SRBD1: variants seen among roughly 807,000 people sequenced by gnomAD.
SRBD1 encodes the protein S1 RNA-binding domain-containing protein 1.
SRBD1 carries 88 observed loss-of-function variants against 115.3 expected under a neutral mutation model. The observed-to-expected ratio is 0.76, with a 90% confidence interval of 0.64 to 0.91. The LOEUF is 0.91. SRBD1 is among the 40% of genes least tolerant of loss of function. SRBD1 has a pLI of 0.00. For missense variants in SRBD1, 1,385 were observed against 1,177.4 expected, an observed-to-expected ratio of 1.18 and a Z score of -2.58; for synonymous variants, 509 against 407.7, an observed-to-expected ratio of 1.25 and a Z score of -2.99.
intron 15 of SRBD1, among the ~76,000 whole-genome samples, chr2:45,477,566 T>G (rs1297158906): frequency 6.6e-6 from 1 of 152,190 alleles, no homozygotes; most frequent in African/African-American, 2.4e-5. Flanking sequence ...TCCTTTTTTT[T>G]AGAGATAGGG....
intron 16 of SRBD1, among the ~76,000 whole-genome samples, chr2:45,460,830 C>T (rs1260157343): frequency 2.0e-5 from 3 of 152,130 alleles, no homozygotes; most frequent in Admixed American, 2.0e-4. Flanking sequence ...CCAACCAATG[C>T]CATTAAAACG....
chr2:45,549,630 A>T (rs1672231576), intron 12 of SRBD1, among the ~76,000 whole-genome samples: 1 of 143,364 alleles, frequency 7.0e-6, no homozygotes, highest in African/African-American at 2.6e-5. Flanking sequence ...GCAGGCACAT[A>T]GCTTGAGCTC....
At chr2:45,518,662 T>A (rs1572725853) in intron 14 of SRBD1, among the ~76,000 whole-genome samples, 2 of 152,208 alleles carry the variant, frequency 1.3e-5, no homozygotes, top group Non-Finnish European at 2.9e-5. Context: ...CAAGGAAACA[T>A]CTTTTTTATG....
At chr2:45,556,212 T>C (rs990967891) in intron 10 of SRBD1, among the ~76,000 whole-genome samples, 5 of 152,146 alleles carry the variant, frequency 3.3e-5, no homozygotes, top group Admixed American at 1.3e-4. Flanking sequence ...AACATTTGCC[T>C]GAAGGAATTA....
intron 4 of SRBD1, among the ~76,000 whole-genome samples, chr2:45,593,439 T>C (rs138952721): frequency 6.6e-6 from 1 of 152,122 alleles, no homozygotes; most frequent in Non-Finnish European, 1.5e-5. Context: ...CCTATGCTGG[T>C]CTCAGGATAA....
chr2:45,404,321 G>A (rs1036067013), intron 19 of SRBD1, among the ~76,000 whole-genome samples: 5 of 152,132 alleles, frequency 3.3e-5, no homozygotes, highest in African/African-American at 1.2e-4. Context: ...TTTGGACTAA[G>A]AATATAAATT....
At chr2:45,422,381 C>A (rs1421201802) in intron 16 of SRBD1, among the ~76,000 whole-genome samples, 1 of 152,182 alleles carries the variant, frequency 6.6e-6, no homozygotes, top group Non-Finnish European at 1.5e-5. Flanking sequence ...CTGGTCCCAC[C>A]TCCCACAGAC....
At chr2:45,551,355 T>C in intron 11 of SRBD1, 73 bp from the exon 12 acceptor site, 1 of 1,379,032 alleles carries the variant, frequency 7.3e-7, no homozygotes, top group African/African-American at 1.5e-5. Flanking sequence ...GCAGAATTCA[T>C]TTTGTACAAT....
rs969879578 is a variant in SRBD1 at position 45,562,671 on chromosome 2, C to A, written c.1391G>T (p.Arg464Met). 3.1e-6 allele frequency: 5 copies of A among 1,607,560 alleles called. No homozygotes were observed. Among genetic ancestry groups the A allele is most frequent in the Non-Finnish European group, 3.4e-6 (4 of 1,178,326 alleles). Residue 464 changes from arginine (R) to methionine (M), a missense_variant, in exon 10 of 21, where the codon AGG (arginine) becomes ATG (methionine). Transcript: ENST00000263736. Reference protein sequence around the residue: ...ISDGVKDEFCRWCIQNRWRPR... With the variant: ...ISDGVKDEFCMWCIQNRWRPR... Reference sequence around the variant, plus strand: ...AACAGACCTGTTTTGGATGCACCACCTACAGAATTCATCCTTCACTCCATC... The same window carrying A: ...AACAGACCTGTTTTGGATGCACCACATACAGAATTCATCCTTCACTCCATC...
chr2:45,602,366 G>C (rs945757882), intron 2 of SRBD1, among the ~76,000 whole-genome samples: 3 of 152,138 alleles, frequency 2.0e-5, no homozygotes, highest in African/African-American at 7.2e-5. Context: ...TCAAGACATA[G>C]AAAATCATTT....
intron 16 of SRBD1, among the ~76,000 whole-genome samples, chr2:45,446,363 G>C (rs569039255): frequency 5.3e-4 from 81 of 152,236 alleles, no homozygotes; most frequent in African/African-American, 1.9e-3. Flanking sequence ...TCATGCCTGG[G>C]GGAGAGCAGG....
intron 19 of SRBD1, among the ~76,000 whole-genome samples, chr2:45,394,286 G>A (rs4953231): frequency 0.96 from 145,816 of 152,338 alleles, 69,837 homozygotes; most frequent in East Asian, 1. Flanking sequence ...AAAAAGAATT[G>A]AAGGGTTAAG....
intron 19 of SRBD1, among the ~76,000 whole-genome samples, chr2:45,403,485 G>A (rs185703391): frequency 5.3e-5 from 8 of 152,028 alleles, no homozygotes; most frequent in East Asian, 1.9e-4. Context: ...AAACATTGCC[G>A]TATCAGTATT....
At chr2:45,506,549 T>C (rs1043802241) in intron 14 of SRBD1, among the ~76,000 whole-genome samples, 4 of 152,172 alleles carry the variant, frequency 2.6e-5, no homozygotes, top group Admixed American at 6.5e-5. Context: ...TTATTTGCCA[T>C]ACACTTGTGC....
At chr2:45,507,497 ATCACCTGAGGTCCGGAGT>A (rs759746280) in intron 14 of SRBD1, among the ~76,000 whole-genome samples, 3 of 151,960 alleles carry the variant, frequency 2.0e-5, no homozygotes, top group Non-Finnish European at 2.9e-5. Context: ...GCGGGTGTGG[ATCACCTGAGGTCCGGAGT>A]TCAAGACCAG....
rs368655630 is a variant in SRBD1 at position 45,413,166 on chromosome 2, T to C, written c.2461A>G (p.Asn821Asp). The change falls in exon 19 of 21, where the codon AAT (asparagine) becomes GAT (aspartate). Residue 821 changes from asparagine to aspartate, a missense_variant. Transcript: ENST00000263736. ...KTAVNVLLKP[N>D]PLDQTCIHPE... The stretch of plus-strand genomic sequence containing the variant: ...TGAATACAAGTTTGGTCCAAAGGAT[T>C]TGGCTTCAGTAAAACATTCACTGCA... The C allele has an allele frequency of 5.8e-5, 93 of 1,614,146 alleles. No homozygotes were observed. The highest frequency in any genetic ancestry group is 5.7e-4 in the Admixed American group (34 of 60,024).
rs758194194 is a variant in SRBD1, at chr2:45,547,629, G to T, written c.1676-17C>A. ...GTATCTGACCTTTAAAAAATGAAAAGAATAAGCCATTTTATAAGAAATTAC... is the reference window on the plus strand; with the variant it reads ...GTATCTGACCTTTAAAAAATGAAAATAATAAGCCATTTTATAAGAAATTAC... On this transcript the variant is annotated splice_polypyrimidine_tract_variant and intron_variant, in intron 12 of 20. Transcript: ENST00000263736. 2 of 1,585,170 alleles carry T rather than the reference G, an allele frequency of 1.3e-6. No individual in the cohort carries two copies. The highest frequency in any genetic ancestry group is 1.7e-6 in the Non-Finnish European group (2 of 1,164,044).
At chr2:45,570,422 T>C (rs910258124) in intron 9 of SRBD1, among the ~76,000 whole-genome samples, 1 of 152,166 alleles carries the variant, frequency 6.6e-6, no homozygotes, top group Non-Finnish European at 1.5e-5. Context: ...GAAAACTTTA[T>C]ATAACGTTAA....
At chr2:45,539,600 G>T (rs971246073) in intron 14 of SRBD1, among the ~76,000 whole-genome samples, 2 of 152,264 alleles carry the variant, frequency 1.3e-5, no homozygotes, top group African/African-American at 4.8e-5. Context: ...TGAGAATATG[G>T]AACTATAAGC....
Sources: allele counts gnomAD v4.1 joint callset (sites outside exome capture counted in the v4.1 genomes callset), GRCh38; gene constraint gnomAD v4.1.1; transcripts MANE v1.5; gene names NCBI Gene and HGNC (gene_info 2026-07-23, HGNC 2026-07-21).